Variants in COL4A5 observed in about 807,000 individuals in gnomAD.
The protein encoded by COL4A5 is collagen type IV alpha 5 chain, also known as collagen alpha-5(IV) chain.
COL4A5 carries 26 observed loss-of-function variants against 130.2 expected under a neutral mutation model. That is an observed-to-expected ratio of 0.20 (90% CI 0.15 to 0.28). The LOEUF (loss-of-function observed/expected upper bound fraction) is 0.28. Among genes scored for constraint, COL4A5 ranks in the 10% least tolerant of loss-of-function variants. The pLI, the probability that COL4A5 is intolerant of heterozygous loss-of-function variation, is 1.00. For synonymous variants in COL4A5, 496 were observed against 439.6 expected (o/e 1.13, Z -1.60); for missense variants, 1,131 against 1,344.3 (o/e 0.84, Z 2.48).
At chrX:108,600,747 C>CTT (rs1270028624) in intron 25 of COL4A5, among the ~76,000 whole-genome samples, 1 of 110,252 alleles carries the variant, frequency 9.1e-6, no homozygotes, top group Non-Finnish European at 1.9e-5. Context: ...TGAGAAATCC[C>CTT]ACAGTAGGCC....
At chrX:108,463,695 G>A (rs1265548921) in intron 1 of COL4A5, among the ~76,000 whole-genome samples, 2 of 111,648 alleles carry the variant, frequency 1.8e-5, no homozygotes, top group African/African-American at 6.5e-5. Flanking sequence ...TGTAACATGG[G>A]AGATATATTC....
chrX:108,564,968 A>T (rs994064020), intron 4 of COL4A5, among the ~76,000 whole-genome samples: 1 of 108,233 alleles, frequency 9.2e-6, no homozygotes, highest in African/African-American at 3.6e-5. Context: ...TTATTTCAGC[A>T]GACATAATTC....
intron 1 of COL4A5, among the ~76,000 whole-genome samples, chrX:108,495,291 G>C (rs562001853): frequency 1.8e-5 from 2 of 110,866 alleles, no homozygotes; most frequent in South Asian, 7.6e-4. Context: ...TCATCACCTA[G>C]AGCTAGATGA....
intron 44 of COL4A5, among the ~76,000 whole-genome samples, chrX:108,678,546 TA>T (rs1208584103): frequency 1.8e-5 from 2 of 111,241 alleles, no homozygotes; most frequent in African/African-American, 3.3e-5. Flanking sequence ...AAGATGACAA[TA>T]AAAAGCTATG....
chrX:108,474,165 A>G (rs1243626495), intron 1 of COL4A5, among the ~76,000 whole-genome samples: 2 of 111,771 alleles, frequency 1.8e-5, no homozygotes, highest in Non-Finnish European at 3.8e-5. Flanking sequence ...TCATGTTCAC[A>G]TACTACCCAC....
intron 50 of COL4A5, chrX:108,694,194 A>C (rs1212794437): frequency 8.8e-6 from 1 of 113,234 alleles, no homozygotes; most frequent in Non-Finnish European, 1.8e-5. Context: ...CATGTTTTTT[A>C]TTAAAGATAT....
intron 1 of COL4A5, among the ~76,000 whole-genome samples, chrX:108,506,475 G>A (rs777301106): frequency 1.6e-3 from 171 of 110,223 alleles, no homozygotes; most frequent in African/African-American, 5.4e-3. Flanking sequence ...ACATACTCAG[G>A]GGATGAGGTG....
chrX:108,646,888 T>C (rs2067602597), intron 36 of COL4A5, among the ~76,000 whole-genome samples: 1 of 109,816 alleles, frequency 9.1e-6, no homozygotes, highest in African/African-American at 3.4e-5. Flanking sequence ...ATCAGATAGT[T>C]GTAGATATGC....
chrX:108,661,673 A>G (rs192631366), intron 37 of COL4A5, among the ~76,000 whole-genome samples: 29 of 111,529 alleles, frequency 2.6e-4, no homozygotes, highest in African/African-American at 7.8e-4. Flanking sequence ...TATGGATAGT[A>G]TGGTATAAAG....
At chrX:108,515,505 G>A (rs2065212438) in intron 1 of COL4A5, among the ~76,000 whole-genome samples, 1 of 111,181 alleles carries the variant, frequency 9.0e-6, no homozygotes, top group African/African-American at 3.3e-5. Context: ...TTCCAGACCT[G>A]TTTATTAAAT....
intron 1 of COL4A5, among the ~76,000 whole-genome samples, chrX:108,444,279 C>T (rs894142821): frequency 1.9e-5 from 2 of 106,710 alleles, no homozygotes; most frequent in Non-Finnish European, 3.9e-5. Flanking sequence ...TGCAGTGGCG[C>T]GATGATCTCG....
intron 25 of COL4A5, among the ~76,000 whole-genome samples, chrX:108,599,308 T>C (rs767898920): frequency 8.9e-6 from 1 of 112,074 alleles, no homozygotes; most frequent in African/African-American, 3.2e-5. Context: ...GACCTCTGTA[T>C]GCATTTTTAA....
chrX:108,650,040 C>T (rs774105090), intron 36 of COL4A5, among the ~76,000 whole-genome samples: 21 of 109,984 alleles, frequency 1.9e-4, no homozygotes, highest in Non-Finnish European at 2.5e-4. Context: ...GACTCTACAA[C>T]GAACTCAAAC....
chrX:108,535,998 T>G (rs1156515934), intron 1 of COL4A5, among the ~76,000 whole-genome samples: 2 of 111,329 alleles, frequency 1.8e-5, no homozygotes, highest in African/African-American at 6.5e-5. Flanking sequence ...TATTAAAATT[T>G]CAGATTCTGC....
At chrX:108,518,605 G>A (rs1353023757) in intron 1 of COL4A5, among the ~76,000 whole-genome samples, 3 of 110,358 alleles carry the variant, frequency 2.7e-5, no homozygotes, top group Non-Finnish European at 5.7e-5. Context: ...ACATTAGGGG[G>A]AAAAAACATA....
At chrX:108,512,370 G>T (rs2065185971) in intron 1 of COL4A5, among the ~76,000 whole-genome samples, 1 of 111,317 alleles carries the variant, frequency 9.0e-6, no homozygotes, top group African/African-American at 3.3e-5. Flanking sequence ...TTATCCACCT[G>T]ATTTAGTATT....
At chrX:108,509,617 C>T in intron 1 of COL4A5, among the ~76,000 whole-genome samples, 1 of 111,785 alleles carries the variant, frequency 8.9e-6, no homozygotes, top group Non-Finnish European at 1.9e-5. Flanking sequence ...TACCATCTTA[C>T]ACCAGTCAGA....
At chrX:108,458,992 AT>A (rs1470494094) in intron 1 of COL4A5, among the ~76,000 whole-genome samples, 6 of 104,038 alleles carry the variant, frequency 5.8e-5, no homozygotes, top group Non-Finnish European at 1.2e-4. Context: ...AAAAAAAAAA[AT>A]CATCTTTAAT....
chrX:108,684,812 T>C lies in COL4A5; in HGVS notation c.4217-1219T>C, dbSNP rs760297896. ...AGAGACACAACAAAAAAAGAAAATT[T>C]CAGTCCAACGTCCCTGATGAACATC... On this transcript the variant is annotated intron_variant, in intron 47 of 52. Coordinates refer to ENST00000328300, the MANE Select transcript of COL4A5 (RefSeq NM_033380.3). 4.5e-5 allele frequency among the ~76,000 whole-genome samples: 5 copies of C among 112,217 alleles called. No individual in the cohort carries two copies. In the South Asian group the frequency reaches 1.8e-3, roughly 41 times the overall value.
Sources: allele counts gnomAD v4.1 joint callset (sites outside exome capture counted in the v4.1 genomes callset), GRCh38; gene constraint gnomAD v4.1.1; transcripts MANE v1.5; gene names NCBI Gene and HGNC (gene_info 2026-07-23, HGNC 2026-07-21).